The following POC5 variants were observed in gnomAD, a reference collection of about 807,000 sequenced individuals.
The protein encoded by POC5 is centrosomal protein POC5.
In POC5, 48 loss-of-function variants were observed where a neutral mutation model predicts 62.9. That is an observed-to-expected ratio of 0.76 (90% confidence interval 0.61 to 0.97). The LOEUF is 0.97. Among genes scored for constraint, POC5 ranks in the 50% least tolerant of loss-of-function variants. The pLI, the probability that POC5 is intolerant of heterozygous loss-of-function variation, is 0.00. For missense variants in POC5, 696 were observed against 679.5 expected (o/e 1.02, Z -0.27); for synonymous variants, 236 against 228.2 (o/e 1.03, Z -0.31).
At chr5:75,701,822 C>T (rs2112172914) in intron 5 of POC5, among the ~76,000 whole-genome samples, 1 of 152,214 alleles carries the variant, frequency 6.6e-6, no homozygotes, top group East Asian at 1.9e-4. Flanking sequence ...TAAAAATCAA[C>T]TTTTATAGTT....
In POC5 at chr5:75,692,450, C is replaced by G. The variant is rs770149973; in HGVS notation, c.741G>C (p.Glu247Asp). The change falls in exon 7 of 12, where the codon GAG (glutamate) becomes GAC (aspartate). Residue 247 changes from glutamate to aspartate, a missense_variant. Physicochemically the swap from Glu to Asp is conservative, Grantham distance 45 (BLOSUM62 2). Coordinates refer to ENST00000428202, the MANE Select transcript of POC5 (RefSeq NM_001099271.2). ...GCCAGTGGAAGAATGTTCTCATCAA[C>G]TCTATCTTTTCCTTTTGCTTGCCTA... ...HAIGKQKEKI[E>D]LMRTFFHWRI... 1 of 1,600,570 alleles carries G rather than the reference C, an allele frequency of 6.2e-7. No individual in the cohort carries two copies. The highest frequency in any genetic ancestry group is 8.5e-7 in the Non-Finnish European group (1 of 1,173,204).
intron 1 of POC5, 139 bp from the exon 2 acceptor site, chr5:75,713,090 T>G: frequency 1.6e-6 from 1 of 622,148 alleles, no homozygotes; most frequent in South Asian, 2.5e-5. Context: ...ACATATTGAG[T>G]ACCTACAGGC....
In POC5 at chr5:75,674,502, G is replaced by A. The variant is rs747119919; in HGVS notation, c.1661C>T (p.Ser554Leu). ...HPESSTSASR[S>L]LGTRSAHTQS... is the part of the protein sequence containing the mutation. ...GGTGTGAGCTGATCTGGTTCCAAGT[G>A]ATCTGGAAGCTGAGGTACTACTTTC... Residue 554 changes from serine (S) to leucine (L), a missense_variant, in exon 12 of 12, where the codon TCA becomes TTA. Coordinates refer to ENST00000428202, the MANE Select transcript of POC5 (RefSeq NM_001099271.2). The A allele has an allele frequency of 6.2e-7, 1 of 1,613,932 alleles. No individual in the cohort carries two copies. Among genetic ancestry groups the A allele is most frequent in the Admixed American group, 1.7e-5 (1 of 60,026 alleles).
chr5:75,702,162 G>C (rs371248630), intron 5 of POC5, among the ~76,000 whole-genome samples: 5 of 152,048 alleles, frequency 3.3e-5, no homozygotes, highest in Non-Finnish European at 5.9e-5. Flanking sequence ...GGGCCTGTCA[G>C]GGGGTGGAGG....
intron 2 of POC5, among the ~76,000 whole-genome samples, chr5:75,710,219 G>A (rs1777287382): frequency 6.6e-6 from 1 of 152,126 alleles, no homozygotes; most frequent in Admixed American, 6.5e-5. Context: ...AAACTGTAAG[G>A]AACCCACTTA....
At chr5:75,683,102 C>G (rs1775932330) in intron 10 of POC5, among the ~76,000 whole-genome samples, 1 of 152,204 alleles carries the variant, frequency 6.6e-6, no homozygotes, top group South Asian at 2.1e-4. Context: ...TCTGCCTCTT[C>G]TTTCCTCTTA....
intron 1 of POC5, among the ~76,000 whole-genome samples, chr5:75,715,340 A>C (rs756130366): frequency 2.7e-5 from 4 of 150,836 alleles, no homozygotes; most frequent in East Asian, 1.9e-4. Flanking sequence ...AGAACTGCCC[A>C]AAACTGGGTA....
chr5:75,712,885 C>T lies in POC5; in HGVS notation c.53G>A (p.Ser18Asn). The change falls in exon 2 of 12, where the codon AGT becomes AAT. Residue 18 changes from serine (S) to asparagine (N), a missense_variant. Physicochemically the swap from Ser to Asn is conservative, Grantham distance 46 (BLOSUM62 1). Coordinates refer to ENST00000428202, the MANE Select transcript of POC5 (RefSeq NM_001099271.2). ...YSLPVVQNDS[S>N]RGSSVSSNLQ... is the part of the protein sequence containing the mutation. Reference sequence around the variant, plus strand: ...ATTCGAAGAGACAGAACTGCCTCGACTGGAGTCATTTTGCACAACTGGAAG... The same window carrying T: ...ATTCGAAGAGACAGAACTGCCTCGATTGGAGTCATTTTGCACAACTGGAAG... The T allele has an allele frequency of 6.2e-7, 1 of 1,612,508 alleles. No homozygotes were observed. The highest frequency in any genetic ancestry group is 2.2e-5 in the East Asian group (1 of 44,848).
At chr5:75,693,802 C>A (rs1776445109) in intron 6 of POC5, among the ~76,000 whole-genome samples, 1 of 152,164 alleles carries the variant, frequency 6.6e-6, no homozygotes. Flanking sequence ...GTGGATGCCC[C>A]TCCGGACATC....
intron 8 of POC5, 101 bp from the exon 9 acceptor site, chr5:75,689,266 T>C (rs1776220255): frequency 2.9e-6 from 4 of 1,384,608 alleles, no homozygotes; most frequent in Non-Finnish European, 2.8e-6. Context: ...ATGTGAAATA[T>C]TAAAAAGTTT....
chr5:75,677,603 A>G (rs1775717106), intron 11 of POC5, 171 bp downstream of exon 11: 1 of 392,350 alleles, frequency 2.5e-6, no homozygotes, highest in African/African-American at 2.2e-5. Context: ...CAGGTTTGAG[A>G]AAAACAAGTA....
In POC5 at chr5:75,681,278, A is replaced by G. The variant is rs941313481; in HGVS notation, c.1408-3328T>C. 8.5e-5 allele frequency among the ~76,000 whole-genome samples: 13 copies of G among 152,174 alleles called. 1 individual carries two copies. The highest frequency in any genetic ancestry group is 3.1e-4 in the African/African-American group (13 of 41,462). On this transcript the variant is annotated intron_variant, in intron 10 of 11. Transcript: ENST00000428202. ...CTCAATTTCTTCATTTATAAAATGGAGAACGCAGTACCAACTCCCTAATGA... is the reference window on the plus strand; with the variant it reads ...CTCAATTTCTTCATTTATAAAATGGGGAACGCAGTACCAACTCCCTAATGA...
At chr5:75,708,308 C>T (rs1193424586) in intron 2 of POC5, among the ~76,000 whole-genome samples, 2 of 152,186 alleles carry the variant, frequency 1.3e-5, no homozygotes, top group Admixed American at 1.3e-4. Context: ...GATGGCACCA[C>T]TGCACCCCAG....
At chr5:75,694,353 A>AT (rs1385134770) in intron 6 of POC5, among the ~76,000 whole-genome samples, 1 of 152,030 alleles carries the variant, frequency 6.6e-6, no homozygotes. Context: ...TTAAAAAAAA[A>AT]TTTTTTTTAA....
At chr5:75,686,782 C>G (rs1776111516) in intron 9 of POC5, among the ~76,000 whole-genome samples, 1 of 151,936 alleles carries the variant, frequency 6.6e-6, no homozygotes, top group Admixed American at 6.6e-5. Context: ...TTTCACTTGT[C>G]AAGTATTTTT....
intron 2 of POC5, among the ~76,000 whole-genome samples, chr5:75,709,267 C>T (rs1042190184): frequency 6.6e-6 from 1 of 152,080 alleles, no homozygotes; most frequent in Non-Finnish European, 1.5e-5. Flanking sequence ...GAAAATTCAA[C>T]CAGAATCTCC....
Position 75,690,523 on chromosome 5 carries a change from T to A in POC5, c.835A>T (p.Thr279Ser). 6.3e-7 allele frequency: 1 copy of A among 1,599,732 alleles called. No individual in the cohort carries two copies. The highest frequency in any genetic ancestry group is 8.5e-7 in the Non-Finnish European group (1 of 1,171,806). ...GKLADQYYQRTLLKKVWKVWR... is the reference protein window; with the variant it reads ...GKLADQYYQRSLLKKVWKVWR... ...ACTTTCCAGACTTTCTTCAGTAAAG[T>A]TCTCTGGTAGTACTGGTCAGCTAGT... is the stretch of plus-strand genomic sequence containing the variant. Residue 279 changes from threonine (T) to serine (S), a missense_variant, in exon 8 of 12, where the codon ACT (threonine) becomes TCT (serine). Physicochemically the swap from Thr to Ser is moderately conservative, Grantham distance 58. Transcript: ENST00000428202.
chr5:75,707,071 T>C (rs1012862144), intron 3 of POC5, among the ~76,000 whole-genome samples: 2 of 152,176 alleles, frequency 1.3e-5, no homozygotes, highest in Admixed American at 1.3e-4. Flanking sequence ...TGATAACTGG[T>C]CCTTATCAGG....
chr5:75,694,497 A>T (rs1223587320), intron 6 of POC5, among the ~76,000 whole-genome samples, 158 bp downstream of exon 6: 1 of 152,196 alleles, frequency 6.6e-6, no homozygotes, highest in Non-Finnish European at 1.5e-5. Flanking sequence ...TTATGCTGAT[A>T]TGTTTAATAG....
Sources: allele counts gnomAD v4.1 joint callset (sites outside exome capture counted in the v4.1 genomes callset), GRCh38; gene constraint gnomAD v4.1.1; transcripts MANE v1.5; gene names NCBI Gene and HGNC (gene_info 2026-07-23, HGNC 2026-07-21).